Variants in CTNNA2 observed in about 807,000 individuals in gnomAD.
The protein encoded by CTNNA2 is catenin alpha-2.
A neutral mutation model predicts 101.0 loss-of-function variants in CTNNA2; 42 were observed. The observed-to-expected ratio is 0.42, with a 90% CI of 0.32 to 0.54. The LOEUF (loss-of-function observed/expected upper bound fraction) is 0.54, where lower values mean the gene tolerates loss of function less well. Among genes scored for constraint, CTNNA2 ranks in the 20% least tolerant of loss-of-function variants. The pLI is 0.14. For missense variants in CTNNA2, 871 were observed against 1,223.1 expected, an observed-to-expected ratio of 0.71 and a Z score of 4.29; for synonymous variants, 450 against 456.4, an observed-to-expected ratio of 0.99 and a Z score of 0.18.
intron 2 of CTNNA2, among the ~76,000 whole-genome samples, chr2:79,655,789 A>T (rs1213321480): frequency 6.6e-6 from 1 of 151,362 alleles, no homozygotes; most frequent in Non-Finnish European, 1.5e-5. Context: ...AGATCATGCC[A>T]CTGCACTCTA....
intron 7 of CTNNA2, among the ~76,000 whole-genome samples, chr2:79,944,858 G>A (rs1688391646): frequency 1.3e-5 from 2 of 151,754 alleles, no homozygotes; most frequent in Admixed American, 1.3e-4. Flanking sequence ...CATTAAGCCT[G>A]TTAAGGTTCA....
chr2:79,722,642 A>G (rs527945859), intron 2 of CTNNA2, among the ~76,000 whole-genome samples: 16 of 151,994 alleles, frequency 1.1e-4, no homozygotes, highest in Non-Finnish European at 2.2e-4. Flanking sequence ...ACTGGTTCAG[A>G]TTTGTGTAAC....
At chr2:79,440,082 A>G (rs1678760731) in intron 4 of CTNNA2, among the ~76,000 whole-genome samples, 1 of 152,178 alleles carries the variant, frequency 6.6e-6, no homozygotes, top group African/African-American at 2.4e-5. Context: ...TTATCCCTGG[A>G]TCTTGGTGGC....
At chr2:80,107,310 T>A (rs1700947070) in intron 7 of CTNNA2, among the ~76,000 whole-genome samples, 1 of 152,084 alleles carries the variant, frequency 6.6e-6, no homozygotes, top group Non-Finnish European at 1.5e-5. Context: ...GACCGTAGAC[T>A]CAGTCAGTAG....
At chr2:79,811,954 A>G (rs910379196) in intron 3 of CTNNA2, among the ~76,000 whole-genome samples, 3 of 152,164 alleles carry the variant, frequency 2.0e-5, no homozygotes, top group Admixed American at 6.5e-5. Flanking sequence ...CCTGAAAGGT[A>G]TACTTAAATA....
intron 3 of CTNNA2, among the ~76,000 whole-genome samples, chr2:79,746,427 T>C (rs915359156): frequency 6.6e-6 from 1 of 152,210 alleles, no homozygotes; most frequent in Admixed American, 6.5e-5. Flanking sequence ...TGCAGCATTG[T>C]AGTTGAAAGT....
chr2:80,586,541 A>G (rs886090954), intron 14 of CTNNA2: 4 of 152,196 alleles, frequency 2.6e-5, no homozygotes, highest in Admixed American at 6.6e-5. Flanking sequence ...ATCAGAAAGG[A>G]ATAGTTAAGG....
At chr2:80,212,033 T>G (rs567312414) in intron 7 of CTNNA2, among the ~76,000 whole-genome samples, 4 of 152,322 alleles carry the variant, frequency 2.6e-5, no homozygotes, top group African/African-American at 7.2e-5. Flanking sequence ...GTTATTGGTG[T>G]ATAGCAATGC....
intron 4 of CTNNA2, among the ~76,000 whole-genome samples, chr2:79,462,386 T>C (rs1670889823): frequency 2.0e-5 from 3 of 152,156 alleles, no homozygotes; most frequent in African/African-American, 4.8e-5. Flanking sequence ...CCAGGAAGAA[T>C]TGTGGAATGA....
chr2:80,013,256 C>T (rs780249611), intron 7 of CTNNA2, among the ~76,000 whole-genome samples: 2 of 152,120 alleles, frequency 1.3e-5, no homozygotes, highest in African/African-American at 2.4e-5. Context: ...CTACACATTT[C>T]GATCCAGATT....
intron 7 of CTNNA2, among the ~76,000 whole-genome samples, chr2:80,390,411 C>T (rs17261545): frequency 0.084 from 12,838 of 152,182 alleles, 634 homozygotes; most frequent in Middle Eastern, 0.2. Flanking sequence ...ACCAATAGGA[C>T]GCCTCACATC....
At chr2:80,328,305 A>G (rs2149258067) in intron 7 of CTNNA2, 1 of 471,182 alleles carries the variant, frequency 2.1e-6, no homozygotes, top group Non-Finnish European at 4.4e-6. Context: ...CTGAATGAGG[A>G]AGCTGCATTG....
At chr2:79,436,611 C>T (rs138878256) in intron 4 of CTNNA2, among the ~76,000 whole-genome samples, 6 of 151,226 alleles carry the variant, frequency 4.0e-5, no homozygotes, top group South Asian at 4.2e-4. Context: ...GAATCGGTAA[C>T]AGCAGGGGTA....
At chr2:79,888,213 G>A (rs775139656) in intron 6 of CTNNA2, among the ~76,000 whole-genome samples, 5 of 152,284 alleles carry the variant, frequency 3.3e-5, no homozygotes, top group Non-Finnish European at 7.4e-5. Context: ...GAAGAGGAGT[G>A]CAAGGTAGGG....
At chr2:80,646,091 G>A (rs1168602579) in intron 18 of CTNNA2, among the ~76,000 whole-genome samples, 8 of 152,206 alleles carry the variant, frequency 5.3e-5, no homozygotes, top group African/African-American at 1.2e-4. Flanking sequence ...TCAATACTGC[G>A]TGGGACATAT....
rs150782268 is a variant in CTNNA2 at position 80,011,536 on chromosome 2, ACAT to A, written c.1056+101742_1056+101744del. ...AAAGAGATCTAACTTCAAAAAAAGA[ACAT>A]CAACATTCTAGCGCTAGTTCTGCCA... On this transcript the variant is annotated intron_variant, in intron 7 of 18. Transcript: ENST00000402739. Among the ~76,000 whole-genome samples, 934 of 152,300 alleles carry A rather than the reference ACAT, an allele frequency of 6.1e-3. 12 individuals carry two copies. The highest frequency in any genetic ancestry group is 0.021 in the African/African-American group (880 of 41,562).
chr2:80,179,461 C>T (rs1705618032), intron 7 of CTNNA2, among the ~76,000 whole-genome samples: 1 of 152,100 alleles, frequency 6.6e-6, no homozygotes, highest in African/African-American at 2.4e-5. Context: ...GCAGGCTCTG[C>T]CTCCCAGGTT....
intron 3 of CTNNA2, among the ~76,000 whole-genome samples, chr2:79,802,670 G>GA (rs1164005609): frequency 1.3e-5 from 2 of 152,192 alleles, no homozygotes; most frequent in African/African-American, 4.8e-5. Flanking sequence ...ATATTAGTGG[G>GA]AAAAAAAGAC....
chr2:79,416,265 T>A (rs865934883), intron 4 of CTNNA2, among the ~76,000 whole-genome samples: 1 of 137,388 alleles, frequency 7.3e-6, no homozygotes, highest in African/African-American at 3.0e-5. Context: ...TTCTTTTTTT[T>A]TTTTTTTTTT....
Sources: gnomAD v4.1 joint callset for allele counts (sites outside exome capture counted in the v4.1 genomes callset) on GRCh38, gnomAD v4.1.1 for gene constraint, MANE v1.5 for transcripts, NCBI Gene and HGNC (gene_info 2026-07-23, HGNC 2026-07-21) for gene names.